Variants in PXN observed in about 807,000 individuals in gnomAD.
PXN encodes paxillin.
In PXN, 61 loss-of-function variants were observed where a neutral mutation model predicts 103.6. That is an observed-to-expected ratio of 0.59 (90% CI 0.48 to 0.73). The LOEUF (loss-of-function observed/expected upper bound fraction) is 0.73. Ranked by LOEUF, PXN falls within the 30% of genes least tolerant of loss-of-function variation. The pLI, the probability that PXN is intolerant of heterozygous loss-of-function variation, is 0.00. For synonymous variants in PXN, 562 were observed against 607.8 expected (o/e 0.92, Z 1.11); for missense variants, 1,274 against 1,460.3 (o/e 0.87, Z 2.08).
rs149061964 is a variant in PXN, at chr12:120,212,562, C to T, written c.2998G>A (p.Val1000Met). Residue 1000 changes from valine to methionine, a missense_variant, in exon 15 of 15, where the codon GTG (valine) becomes ATG (methionine). This residue lies in a region of PXN where 96 missense variants were observed against 151.3 expected (regional missense o/e 0.63). Transcript: ENST00000637617. The surrounding 1 kb of genome is among the most constrained non-coding windows in gnomAD (Gnocchi z 7.2). The stretch of plus-strand genomic sequence containing the variant: ...TCGTGCTCGAAGAAGCTGCCGTTCA[C>T]GAATGGCGTGAAGCATTCCTGCCAG... ...FVCRECFTPF[V>M]NGSFFEHDGQ... 106 of 1,613,052 alleles carry T rather than the reference C, an allele frequency of 6.6e-5. No individual in the cohort carries two copies. In the East Asian group the frequency reaches 2.2e-3, roughly 33 times the overall value.
rs754961054 is a variant in PXN, at chr12:120,212,359, G to C, written c.3201C>G (p.Asn1067Lys). 1 of 1,614,012 alleles carries C rather than the reference G, an allele frequency of 6.2e-7. No individual in the cohort carries two copies. Among genetic ancestry groups the C allele is most frequent in the East Asian group, 2.2e-5 (1 of 44,882 alleles). ...AGCAGTTCTGACAGTAAGGCTTGTC[G>C]TTCTGCTCCTTGAAGGTGCCCTTGT... ...QLNKGTFKEQ[N>K]DKPYCQNCFL... The change falls in exon 15 of 15, where the codon AAC (asparagine) becomes AAG (lysine). Residue 1067 changes from asparagine to lysine, a missense_variant. Physicochemically the swap from Asn to Lys is moderately conservative, Grantham distance 94. Around this residue, in one of 2 missense-constraint regions of PXN, gnomAD observed 96 missense variants for 151.3 expected, o/e 0.63. Coordinates refer to ENST00000637617, the MANE Select transcript of PXN (RefSeq NM_001385981.1). The surrounding 1 kb of genome is among the most constrained non-coding windows in gnomAD (Gnocchi z 7.2).
Position 120,247,028 on chromosome 12 carries a change from T to C in PXN, c.13+18589A>G, listed in dbSNP as rs562266618. On this transcript the variant is annotated intron_variant, in intron 1 of 14. Coordinates refer to ENST00000637617, the MANE Select transcript of PXN (RefSeq NM_001385981.1). Reference sequence around the variant, plus strand: ...GGGTGACAGCAAGACCCTGTCTCTATAAAAAAAAATTTTAAAAAAAAGAAG... The same window carrying C: ...GGGTGACAGCAAGACCCTGTCTCTACAAAAAAAAATTTTAAAAAAAAGAAG... 1.7e-4 allele frequency among the ~76,000 whole-genome samples: 25 copies of C among 149,394 alleles called. No homozygotes were observed. In the South Asian group the frequency reaches 5.0e-3, roughly 30 times the overall value.
chr12:120,221,819 C>T lies in PXN; in HGVS notation c.696-61G>A. 1.3e-6 allele frequency: 2 copies of T among 1,499,270 alleles called. No homozygotes were observed. Among genetic ancestry groups the T allele is most frequent in the Non-Finnish European group, 1.8e-6 (2 of 1,120,806 alleles). 92.9% of individuals were successfully genotyped at this position (1,499,270 alleles called of 1,614,324 possible). A position where few individuals can be genotyped will look rare whatever the true frequency, so the allele number is the denominator to read the frequency against. ...AGTCAGCCCCACACTTCCCGGGGAT[C>T]AGATCGACCTCTCACCTCGGACACT... On this transcript the variant is annotated intron_variant, in intron 5 of 14. Coordinates refer to ENST00000637617, the MANE Select transcript of PXN (RefSeq NM_001385981.1). This position sits in a 1 kb window ranked among gnomAD's most constrained non-coding sequence, Gnocchi z 6.6.
rs1883543282 is a variant in PXN at position 120,217,463 on chromosome 12, C to T, written c.1717-347G>A. Among the ~76,000 whole-genome samples, 2 of 152,218 alleles carry T rather than the reference C, an allele frequency of 1.3e-5. No individual in the cohort carries two copies. Among genetic ancestry groups the T allele is most frequent in the Admixed American group, 6.5e-5 (1 of 15,284 alleles). On this transcript the variant is annotated intron_variant, in intron 7 of 14. Transcript: ENST00000637617. This position sits in a 1 kb window ranked among gnomAD's most constrained non-coding sequence, Gnocchi z 4.1. ...GAACCACAAGATTTTCTTGGCTTAC[C>T]GCACAGGGTTTGCACAAGAATTATT...
chr12:120,246,190 C>T (rs1208741549), intron 1 of PXN, among the ~76,000 whole-genome samples: 1 of 152,052 alleles, frequency 6.6e-6, no homozygotes, highest in Non-Finnish European at 1.5e-5. Context: ...AGTTAGAGAC[C>T]AGCCTGGGCA....
In PXN at chr12:120,236,545, T is replaced by G. The variant is rs192656695; in HGVS notation, c.14-12168A>C. 1.6e-3 allele frequency among the ~76,000 whole-genome samples: 234 copies of G among 148,470 alleles called. 1 individual carries two copies. The highest frequency in any genetic ancestry group is 5.4e-3 in the African/African-American group (218 of 40,096). ...CAGGCTGGCGTACAGTGGCGCCATC[T>G]CAGCTCACTGCAACCTCTGCCTCCC... On this transcript the variant is annotated intron_variant, in intron 1 of 14. Coordinates refer to ENST00000637617, the MANE Select transcript of PXN (RefSeq NM_001385981.1).
intron 1 of PXN, among the ~76,000 whole-genome samples, chr12:120,244,614 C>T (rs1890736363): frequency 6.7e-6 from 1 of 150,228 alleles, no homozygotes; most frequent in Non-Finnish European, 1.5e-5. Context: ...CACCACTGCA[C>T]TCCAGCCTGG....
rs78740107 is a variant in PXN, at chr12:120,246,625, C to A, written c.13+18992G>T. On this transcript the variant is annotated intron_variant, in intron 1 of 14. Coordinates refer to ENST00000637617, the MANE Select transcript of PXN (RefSeq NM_001385981.1). ...ATCCCAGCCCTTTGGGAGGCTGAGG[C>A]AGGCAGATCGTGAGATCAGGAGATC... 3.6e-4 allele frequency among the ~76,000 whole-genome samples: 54 copies of A among 151,752 alleles called. No individual in the cohort carries two copies. The East Asian group carries it at 8.2e-3, about 23-fold the overall frequency.
intron 1 of PXN, among the ~76,000 whole-genome samples, chr12:120,241,737 A>G (rs1013119599): frequency 6.6e-6 from 1 of 152,322 alleles, no homozygotes; most frequent in African/African-American, 2.4e-5. Flanking sequence ...TGCAAGTCCC[A>G]GCTTGATGGA....
rs1429420428 is a variant in PXN, at chr12:120,220,209, G to A, written c.832-118C>T. 6.0e-6 allele frequency: 3 copies of A among 498,046 alleles called. No individual in the cohort carries two copies. Among genetic ancestry groups the A allele is most frequent in the East Asian group, 5.8e-5 (2 of 34,430 alleles). The allele number at this position is 498,046 out of a possible 1,614,324, so 30.9% of individuals were successfully genotyped here. A position where few individuals can be genotyped will look rare whatever the true frequency, so the allele number is the denominator to read the frequency against. On this transcript the variant is annotated intron_variant, in intron 6 of 14. Coordinates refer to ENST00000637617, the MANE Select transcript of PXN (RefSeq NM_001385981.1). This position sits in a 1 kb window ranked among gnomAD's most constrained non-coding sequence, Gnocchi z 6.1. ...GGCTGACCAAGGTGGCTGCAAAGCT[G>A]ACGCACAGGACTGACCCTTGAAGGA...
intron 1 of PXN, among the ~76,000 whole-genome samples, chr12:120,236,287 A>G (rs897329611): frequency 2.0e-5 from 3 of 152,156 alleles, no homozygotes; most frequent in Non-Finnish European, 2.9e-5. Context: ...TTGGCTAATC[A>G]TCATAAGGTA....
At chr12:120,227,929 C>T (rs571915666) in intron 1 of PXN, among the ~76,000 whole-genome samples, 1 of 152,360 alleles carries the variant, frequency 6.6e-6, no homozygotes, top group South Asian at 2.1e-4. Context: ...CTGGCAGACA[C>T]TGCACACAGG....
chr12:120,252,238 T>C (rs2136639021), intron 1 of PXN, among the ~76,000 whole-genome samples: 1 of 152,250 alleles, frequency 6.6e-6, no homozygotes, highest in African/African-American at 2.4e-5. Flanking sequence ...AGTTATTAAG[T>C]GACCGCAGAG....
chr12:120,263,471 C>A (rs183992307), intron 1 of PXN, among the ~76,000 whole-genome samples: 3 of 152,226 alleles, frequency 2.0e-5, no homozygotes, highest in African/African-American at 7.2e-5. Flanking sequence ...CTTGCCTCCT[C>A]CCCAGGAAAA....
At position 120,212,502 on chromosome 12, in the gene PXN, G is replaced by A. The variant is rs778472900; in HGVS notation, c.3058C>T (p.Arg1020Trp). The change falls in exon 15 of 15, where the codon CGG (arginine) becomes TGG (tryptophan). Residue 1020 changes from arginine (R) to tryptophan (W), a missense_variant. Arg to Trp is a moderately radical substitution (Grantham distance 101, BLOSUM62 -3). Around this residue, in one of 2 missense-constraint regions of PXN, gnomAD observed 96 missense variants for 151.3 expected, o/e 0.63. Coordinates refer to ENST00000637617, the MANE Select transcript of PXN (RefSeq NM_001385981.1). The surrounding 1 kb of genome is among the most constrained non-coding windows in gnomAD (Gnocchi z 7.2). ...QPYCEVHYHE[R>W]RGSLCSGCQK... The stretch of plus-strand genomic sequence containing the variant: ...CAGCCAGAACACAGCGAGCCGCGCC[G>A]CTCGTGGTAGTGCACCTCACAGTAG... 4.3e-6 allele frequency: 7 copies of A among 1,613,774 alleles called. No individual in the cohort carries two copies. Among genetic ancestry groups the A allele is most frequent in the East Asian group, 2.2e-5 (1 of 44,868 alleles).
Position 120,216,721 on chromosome 12 carries a change from G to A in PXN, c.1992+120C>T. Reference sequence around the variant, plus strand: ...GGCCAGTCTTCCAAAGTCACAGGAGGCAAGAAACCCCCACCCTCTCCCCAG... The same window carrying A: ...GGCCAGTCTTCCAAAGTCACAGGAGACAAGAAACCCCCACCCTCTCCCCAG... On this transcript the variant is annotated intron_variant, in intron 8 of 14. Coordinates refer to ENST00000637617, the MANE Select transcript of PXN (RefSeq NM_001385981.1). The surrounding 1 kb of genome is among the most constrained non-coding windows in gnomAD (Gnocchi z 5.1). 6.3e-7 allele frequency: 1 copy of A among 1,594,622 alleles called. No homozygotes were observed. Among genetic ancestry groups the A allele is most frequent in the Middle Eastern group, 1.7e-4 (1 of 6,018 alleles).
intron 1 of PXN, among the ~76,000 whole-genome samples, chr12:120,259,942 C>A (rs1893605264): frequency 6.6e-6 from 1 of 152,208 alleles, no homozygotes; most frequent in South Asian, 2.1e-4. Context: ...CAACAACTCC[C>A]TCCTCTGGAT....
intron 1 of PXN, among the ~76,000 whole-genome samples, chr12:120,231,173 A>G (rs1342682552): frequency 6.6e-6 from 1 of 152,212 alleles, no homozygotes; most frequent in Non-Finnish European, 1.5e-5. Context: ...TGTCTTCTCT[A>G]TCAAGAAAAT....
rs1335646030 is a variant in PXN at position 120,211,213 on chromosome 12, A to G, written c.*1101T>C. 2 of 152,442 alleles carry G rather than the reference A, an allele frequency of 1.3e-5. No homozygotes were observed. The highest frequency in any genetic ancestry group is 2.4e-5 in the African/African-American group (1 of 41,458). The allele number at this position is 152,442 out of a possible 1,614,324, so 9.4% of individuals were successfully genotyped here. ...CTCCTCCCACAGAAACAGAACAGATAAAGTTCAGAATTCTAGGCCCAAAAG... is the reference window on the plus strand; with the variant it reads ...CTCCTCCCACAGAAACAGAACAGATGAAGTTCAGAATTCTAGGCCCAAAAG... On this transcript the variant is annotated 3_prime_UTR_variant, in exon 15 of 15. Coordinates refer to ENST00000637617, the MANE Select transcript of PXN (RefSeq NM_001385981.1).
Sources: allele counts gnomAD v4.1 joint callset (sites outside exome capture counted in the v4.1 genomes callset), GRCh38; gene constraint gnomAD v4.1.1; regional missense constraint gnomAD v4.1.1; non-coding constraint Gnocchi (gnomAD v3.1); transcripts MANE v1.5; gene names NCBI Gene and HGNC (gene_info 2026-07-23, HGNC 2026-07-21).